The following SLC9A9 variants were observed in gnomAD, a reference collection of about 807,000 sequenced individuals.
SLC9A9 encodes solute carrier family 9 member A9.
SLC9A9 carries 62 observed loss-of-function variants against 77.8 expected under a neutral mutation model. That is an observed-to-expected ratio of 0.80 (90% CI 0.65 to 0.98). The LOEUF (loss-of-function observed/expected upper bound fraction) is 0.98. Among genes scored for constraint, SLC9A9 ranks in the 50% least tolerant of loss-of-function variants. The pLI is 0.00. For missense variants in SLC9A9, 775 were observed against 774.9 expected, an observed-to-expected ratio of 1.00 and a Z score of 0.00; for synonymous variants, 320 against 283.5, an observed-to-expected ratio of 1.13 and a Z score of -1.29.
intron 4 of SLC9A9, among the ~76,000 whole-genome samples, chr3:143,768,482 G>C (rs2007405359): frequency 1.3e-5 from 2 of 152,130 alleles, no homozygotes; most frequent in Non-Finnish European, 2.9e-5. Context: ...ATGTGCTGTA[G>C]TGATAGAATA....
intron 6 of SLC9A9, among the ~76,000 whole-genome samples, chr3:143,616,011 G>C (rs1385493151): frequency 6.6e-6 from 1 of 151,658 alleles, no homozygotes; most frequent in Non-Finnish European, 1.5e-5. Context: ...CTCCCAAGTA[G>C]TTGGGACTAC....
chr3:143,291,921 A>G (rs571189143), intron 14 of SLC9A9, among the ~76,000 whole-genome samples: 1 of 152,366 alleles, frequency 6.6e-6, no homozygotes, highest in South Asian at 2.1e-4. Context: ...CGAGTTTTAA[A>G]TAAGTCCAGC....
At chr3:143,639,285 T>A (rs756859235) in intron 6 of SLC9A9, among the ~76,000 whole-genome samples, 2 of 152,176 alleles carry the variant, frequency 1.3e-5, no homozygotes, top group African/African-American at 4.8e-5. Context: ...GTGGCAACCT[T>A]TGGAAATCTT....
chr3:143,632,239 T>C (rs1193785195), intron 6 of SLC9A9, among the ~76,000 whole-genome samples: 1 of 152,052 alleles, frequency 6.6e-6, no homozygotes, highest in African/African-American at 2.4e-5. Context: ...TGATTGCCAT[T>C]TGGAGGCAGA....
At chr3:143,834,913 C>T (rs1169026307) in intron 1 of SLC9A9, among the ~76,000 whole-genome samples, 1 of 152,140 alleles carries the variant, frequency 6.6e-6, no homozygotes, top group Non-Finnish European at 1.5e-5. Flanking sequence ...AGGCAATTGA[C>T]CAGTGGTCTC....
At chr3:143,721,697 C>T (rs549802570) in intron 4 of SLC9A9, among the ~76,000 whole-genome samples, 82 of 152,192 alleles carry the variant, frequency 5.4e-4, no homozygotes, top group African/African-American at 1.7e-3. Flanking sequence ...GTCCCTCACA[C>T]GAGCCTCGGG....
At chr3:143,596,717 C>T (rs762510473) in intron 6 of SLC9A9, among the ~76,000 whole-genome samples, 4 of 152,020 alleles carry the variant, frequency 2.6e-5, no homozygotes, top group Non-Finnish European at 5.9e-5. Flanking sequence ...AGCTGGAGTA[C>T]AGTGGCATGA....
chr3:143,447,800 A>G (rs1394699911), intron 12 of SLC9A9, among the ~76,000 whole-genome samples: 2 of 152,216 alleles, frequency 1.3e-5, no homozygotes, highest in African/African-American at 4.8e-5. Flanking sequence ...CCCAATTTGA[A>G]GAACACGTGC....
intron 11 of SLC9A9, among the ~76,000 whole-genome samples, chr3:143,485,742 T>TA (rs749315999): frequency 4.0e-5 from 6 of 150,896 alleles, no homozygotes; most frequent in Non-Finnish European, 5.9e-5. Flanking sequence ...CCATTCAAAG[T>TA]AAAAAAAATA....
chr3:143,412,269 C>T (rs571189299), intron 12 of SLC9A9, among the ~76,000 whole-genome samples: 9 of 152,194 alleles, frequency 5.9e-5, no homozygotes, highest in African/African-American at 1.9e-4. Context: ...TCTCTAACCT[C>T]ACTTTTGTTG....
chr3:143,414,170 G>A (rs1329947217), intron 12 of SLC9A9, among the ~76,000 whole-genome samples: 5 of 152,150 alleles, frequency 3.3e-5, no homozygotes, highest in African/African-American at 4.8e-5. Context: ...GTGTATGTGT[G>A]TAGGTATACC....
intron 14 of SLC9A9, among the ~76,000 whole-genome samples, chr3:143,277,314 G>A (rs1479235697): frequency 6.6e-6 from 1 of 152,062 alleles, no homozygotes; most frequent in Non-Finnish European, 1.5e-5. Flanking sequence ...CCGACCAGCT[G>A]CATCAGAATT....
chr3:143,331,776 T>C (rs2031778845), intron 14 of SLC9A9, among the ~76,000 whole-genome samples: 1 of 152,182 alleles, frequency 6.6e-6, no homozygotes. Context: ...ATGTGCATTG[T>C]ATATTAGGGG....
chr3:143,280,358 G>T (rs1938178887), intron 14 of SLC9A9, among the ~76,000 whole-genome samples: 1 of 152,124 alleles, frequency 6.6e-6, no homozygotes, highest in South Asian at 2.1e-4. Flanking sequence ...TTATTTTTGA[G>T]CTATGGAATG....
At chr3:143,629,216 A>G (rs146797343) in intron 6 of SLC9A9, among the ~76,000 whole-genome samples, 308 of 152,318 alleles carry the variant, frequency 2.0e-3, no homozygotes, top group African/African-American at 6.9e-3. Flanking sequence ...TTAATAGACA[A>G]TCATAAGCTT....
At chr3:143,439,478 A>T (rs886851820) in intron 12 of SLC9A9, among the ~76,000 whole-genome samples, 1 of 152,190 alleles carries the variant, frequency 6.6e-6, no homozygotes, top group African/African-American at 2.4e-5. Flanking sequence ...AGAAGTCACC[A>T]CACTGAGCAC....
chr3:143,343,050 T>C (rs1248513172), intron 14 of SLC9A9, among the ~76,000 whole-genome samples: 1 of 152,250 alleles, frequency 6.6e-6, no homozygotes, highest in Non-Finnish European at 1.5e-5. Context: ...TTCTCAAATC[T>C]ACAACTATCC....
chr3:143,727,154 G>T (rs1291034905), intron 4 of SLC9A9, among the ~76,000 whole-genome samples: 2 of 152,076 alleles, frequency 1.3e-5, no homozygotes, highest in African/African-American at 2.4e-5. Flanking sequence ...CACATAGCAG[G>T]TATTTAATAA....
At chr3:143,320,044 T>C (rs754710751) in intron 14 of SLC9A9, among the ~76,000 whole-genome samples, 12 of 152,202 alleles carry the variant, frequency 7.9e-5, no homozygotes, top group Non-Finnish European at 1.5e-4. Flanking sequence ...TGGAGATAGA[T>C]CCCACTTAGT....
Sources: gnomAD v4.1 joint callset for allele counts (sites outside exome capture counted in the v4.1 genomes callset) on GRCh38, gnomAD v4.1.1 for gene constraint, MANE v1.5 for transcripts, NCBI Gene and HGNC (gene_info 2026-07-23, HGNC 2026-07-21) for gene names.